Variants in MTMR7 observed in about 807,000 individuals in gnomAD.
MTMR7 encodes phosphatidylinositol-3-phosphate phosphatase MTMR7.
MTMR7 carries 76 observed loss-of-function variants against 81.2 expected under a neutral mutation model. The observed-to-expected ratio is 0.94, with a 90% confidence interval of 0.78 to 1.13. The LOEUF is 1.13. MTMR7 is among the 50% of genes most tolerant of loss of function. The pLI is 0.00. For missense variants in MTMR7, 1,044 were observed against 820.0 expected (o/e 1.27, Z -3.34); for synonymous variants, 372 against 289.8 (o/e 1.28, Z -2.88).
At chr8:17,306,013 G>A (rs1298682914) in intron 10 of MTMR7, 56 bp from the exon 11 acceptor site, 2 of 1,419,280 alleles carry the variant, frequency 1.4e-6, no homozygotes. Flanking sequence ...AAAGTACAAA[G>A]CCATAAATGC....
At chr8:17,405,858 ACACACACACACACACACACACC>A (rs1157713054) in intron 1 of MTMR7, among the ~76,000 whole-genome samples, 6 of 83,958 alleles carry the variant, frequency 7.1e-5, no homozygotes, top group Admixed American at 1.5e-4. Flanking sequence ...ACACACACAC[ACACACACACACACACACACACC>A]ACAGAGAAAA....
intron 4 of MTMR7, among the ~76,000 whole-genome samples, chr8:17,353,230 AAAG>A (rs765830030): frequency 1.3e-5 from 2 of 152,184 alleles, no homozygotes; most frequent in Non-Finnish European, 2.9e-5. Flanking sequence ...TGAGGTATCT[AAAG>A]TAGTCAAATT....
chr8:17,307,327 C>T (rs1586146407), intron 10 of MTMR7, among the ~76,000 whole-genome samples: 2 of 152,270 alleles, frequency 1.3e-5, no homozygotes, highest in African/African-American at 4.8e-5. Context: ...AAATCAAAAC[C>T]ACAATGATAC....
At chr8:17,374,242 T>G (rs953496165) in intron 1 of MTMR7, among the ~76,000 whole-genome samples, 2 of 152,208 alleles carry the variant, frequency 1.3e-5, no homozygotes, top group Admixed American at 6.5e-5. Flanking sequence ...TCCCAGCACT[T>G]TGGGAAGCCG....
chr8:17,355,848 A>C (rs10091782), intron 4 of MTMR7, among the ~76,000 whole-genome samples: 1 of 152,044 alleles, frequency 6.6e-6, no homozygotes, highest in African/African-American at 2.4e-5. Flanking sequence ...CTCACTAGTC[A>C]ATCAGGTCAA....
chr8:17,326,594 A>C (rs1018842), intron 7 of MTMR7: 64,651 of 151,590 alleles, frequency 0.43, 14,146 homozygotes, highest in South Asian at 0.62. Flanking sequence ...AAGACAATTT[A>C]AAAGTGTAAT....
intron 5 of MTMR7, chr8:17,346,101 G>A (rs1034237610): frequency 6.6e-6 from 1 of 152,160 alleles, no homozygotes; most frequent in Admixed American, 6.5e-5. Flanking sequence ...GTATTTCAGT[G>A]TCTTCCATTA....
At position 17,304,483 on chromosome 8, in the gene MTMR7, C is replaced by G. The variant is rs772701098; in HGVS notation, c.1389G>C (p.Leu463=). The G allele has an allele frequency of 1.2e-6, 2 of 1,613,888 alleles. No individual in the cohort carries two copies. Among genetic ancestry groups the G allele is most frequent in the Admixed American group, 1.7e-5 (1 of 60,000 alleles). ...TCAGGTAGTCGGCCCGATTCTTCCA[C>G]AGGTGAGCCCATAATGAGTATGTTC... is the stretch of plus-strand genomic sequence containing the variant. ...QERTYSLWAH[L]WKNRADYLNP... Residue 463 remains leucine, a synonymous_variant, in exon 12 of 14, where the codon CTG becomes CTC. Coordinates refer to ENST00000180173, the MANE Select transcript of MTMR7 (RefSeq NM_004686.5).
chr8:17,338,437 A>G (rs987109179), intron 6 of MTMR7, among the ~76,000 whole-genome samples: 18 of 152,178 alleles, frequency 1.2e-4, no homozygotes, highest in Non-Finnish European at 2.9e-5. Flanking sequence ...AGGGTAAGAA[A>G]CAGGCTTCCC....
chr8:17,370,518 G>A (rs1185598656), intron 3 of MTMR7, among the ~76,000 whole-genome samples: 1 of 123,090 alleles, frequency 8.1e-6, no homozygotes, highest in Non-Finnish European at 1.6e-5. Flanking sequence ...TTGCACCACT[G>A]CACTTCCAGC....
intron 4 of MTMR7, among the ~76,000 whole-genome samples, chr8:17,360,890 C>T (rs1450573717): frequency 6.6e-6 from 1 of 152,098 alleles, no homozygotes; most frequent in East Asian, 1.9e-4. Context: ...GTTCTGCAAC[C>T]GTGAGATGAA....
At chr8:17,379,787 G>GTTTGTT (rs1187357222) in intron 1 of MTMR7, among the ~76,000 whole-genome samples, 4 of 152,058 alleles carry the variant, frequency 2.6e-5, no homozygotes, top group Non-Finnish European at 5.9e-5. Context: ...TTTTTTGATT[G>GTTTGTT]TTTGTTTTTG....
chr8:17,337,950 C>G (rs977202003), intron 6 of MTMR7, among the ~76,000 whole-genome samples: 6 of 152,198 alleles, frequency 3.9e-5, no homozygotes, highest in Non-Finnish European at 8.8e-5. Context: ...CAGGTCAGCT[C>G]CTAATCCTTT....
chr8:17,300,080 A>G lies in MTMR7; in HGVS notation c.1765T>C (p.Phe589Leu), dbSNP rs745360913. 6 of 1,614,038 alleles carry G rather than the reference A, an allele frequency of 3.7e-6. No individual in the cohort carries two copies. The highest frequency in any genetic ancestry group is 2.7e-5 in the African/African-American group (2 of 74,906). ...CCTTGTGAAGGGCTCCGGGATGGAA[A>G]TGATTTCATATTCCCACTGTAATCC... is the stretch of plus-strand genomic sequence containing the variant. ...PQDYSGNMKS[F>L]PSRSPSQGDE... Residue 589 changes from phenylalanine to leucine, a missense_variant, in exon 14 of 14, where the codon TTT becomes CTT. Transcript: ENST00000180173.
intron 7 of MTMR7, among the ~76,000 whole-genome samples, chr8:17,328,556 G>A (rs1199800862): frequency 6.6e-6 from 1 of 151,992 alleles, no homozygotes; most frequent in Admixed American, 6.6e-5. Context: ...ACACACATTG[G>A]GGCCTGTTGG....
chr8:17,411,304 G>A (rs902035631), intron 1 of MTMR7, among the ~76,000 whole-genome samples: 10 of 152,210 alleles, frequency 6.6e-5, no homozygotes, highest in Admixed American at 3.3e-4. Context: ...ATGTTAAGAC[G>A]GCTCTTCTAA....
intron 1 of MTMR7, among the ~76,000 whole-genome samples, chr8:17,398,421 C>T (rs542640334): frequency 1.6e-4 from 25 of 152,150 alleles, no homozygotes; most frequent in African/African-American, 5.8e-4. Context: ...AAGAATGCAT[C>T]AGAATCTCTT....
Position 17,299,814 on chromosome 8 carries a change from G to C in MTMR7, c.*48C>G, listed in dbSNP as rs1263843264. On this transcript the variant is annotated 3_prime_UTR_variant, in exon 14 of 14. Transcript: ENST00000180173. ...TAAACCACCTTGTTCCCTTGTTTTT[G>C]GAAGTGTTGCTTATGTGTCCTTTAC... The C allele has an allele frequency of 2.5e-6, 4 of 1,591,158 alleles. No homozygotes were observed. In the African/African-American group the frequency reaches 4.1e-5, roughly 16 times the overall value.
intron 4 of MTMR7, among the ~76,000 whole-genome samples, chr8:17,359,191 C>T (rs979335887): frequency 3.9e-5 from 6 of 152,246 alleles, no homozygotes; most frequent in Admixed American, 1.3e-4. Context: ...AGCCACCATG[C>T]CTGGCTTAAA....
Sources: allele counts gnomAD v4.1 joint callset (sites outside exome capture counted in the v4.1 genomes callset), GRCh38; gene constraint gnomAD v4.1.1; transcripts MANE v1.5; gene names NCBI Gene and HGNC (gene_info 2026-07-23, HGNC 2026-07-21).